Variants in RSF1 observed in about 807,000 individuals in gnomAD.
RSF1 encodes the protein remodeling and spacing factor 1.
RSF1 carries 13 observed loss-of-function variants against 145.2 expected under a neutral mutation model. The observed-to-expected ratio is 0.09, with a 90% confidence interval of 0.06 to 0.14. RSF1 has a LOEUF of 0.14. RSF1 is among the 10% of genes least tolerant of loss of function. RSF1 has a pLI of 1.00. For synonymous variants in RSF1, 577 were observed against 592.6 expected, an observed-to-expected ratio of 0.97 and a Z score of 0.38; for missense variants, 1,517 against 1,718.2, an observed-to-expected ratio of 0.88 and a Z score of 2.07.
intron 8 of RSF1, among the ~76,000 whole-genome samples, chr11:77,691,492 T>C (rs1339071782): frequency 1.3e-5 from 2 of 152,208 alleles, no homozygotes; most frequent in Non-Finnish European, 2.9e-5. Flanking sequence ...CCTATCCTAC[T>C]GGCAATAGTC....
At chr11:77,699,383 C>T (rs533149391) in intron 6 of RSF1, among the ~76,000 whole-genome samples, 2 of 149,220 alleles carry the variant, frequency 1.3e-5, no homozygotes, top group Admixed American at 6.8e-5. Context: ...CACTATAGGT[C>T]GTCAGCAAAG....
At chr11:77,685,083 A>G in intron 10 of RSF1, 22 bp downstream of exon 10, 1 of 1,425,728 alleles carries the variant, frequency 7.0e-7, no homozygotes. Flanking sequence ...CCATTTAAAA[A>G]CATTACAAAT....
At chr11:77,723,571 C>T (rs978028509) in intron 5 of RSF1, among the ~76,000 whole-genome samples, 1 of 152,200 alleles carries the variant, frequency 6.6e-6, no homozygotes, top group African/African-American at 2.4e-5. Context: ...CCACCACAGA[C>T]ATTTGAAATA....
At chr11:77,828,848 C>T in the RSF1 span, among the ~76,000 whole-genome samples, 1 of 152,184 alleles carries the variant, frequency 6.6e-6, no homozygotes. Flanking sequence ...TTCCAGCTGG[C>T]TTCTTTGCAG....
In RSF1 at chr11:77,665,527, T is replaced by C. The variant is rs1187917154; in HGVS notation, c.*1390A>G. On this transcript the variant is annotated 3_prime_UTR_variant, in exon 16 of 16. Coordinates refer to ENST00000308488, the MANE Select transcript of RSF1 (RefSeq NM_016578.4). ...AGTTCATATTTTAGTGTCAATTACA[T>C]GTTAGGTATTTAGTTAGTTACAAAC... 1 of 151,900 alleles carries C rather than the reference T, an allele frequency of 6.6e-6. No homozygotes were observed. The highest frequency in any genetic ancestry group is 1.5e-5 in the Non-Finnish European group (1 of 68,036). 9.4% of individuals were successfully genotyped at this position (151,900 alleles called of 1,614,324 possible). A position where few individuals can be genotyped will look rare whatever the true frequency, so the allele number is the denominator to read the frequency against.
intron 4 of RSF1, chr11:77,734,983 T>C: frequency 2.5e-6 from 4 of 1,596,664 alleles, no homozygotes; most frequent in Non-Finnish European, 3.4e-6. Flanking sequence ...CTCTGAGTCC[T>C]GGTGGTAGTT....
the RSF1 span, among the ~76,000 whole-genome samples, chr11:77,838,220 G>GTTTGTGTGTT: frequency 0.18 from 26,736 of 152,170 alleles, 2,819 homozygotes; most frequent in Non-Finnish European, 0.24. Flanking sequence ...GATGTAGACT[G>GTTTGTGTGTT]TGACTGTTAG....
chr11:77,782,735 G>A (rs567831457), intron 1 of RSF1, among the ~76,000 whole-genome samples: 2 of 152,198 alleles, frequency 1.3e-5, no homozygotes, highest in South Asian at 2.1e-4. Context: ...TGTCTGTAAC[G>A]TTTTATTGGA....
intron 1 of RSF1, among the ~76,000 whole-genome samples, chr11:77,776,926 T>C (rs1948347960): frequency 6.6e-6 from 1 of 152,190 alleles, no homozygotes. Context: ...ATATAGATTA[T>C]TAAACCACTC....
intron 5 of RSF1, among the ~76,000 whole-genome samples, chr11:77,716,562 T>TA (rs1344383526): frequency 2.0e-5 from 3 of 152,190 alleles, no homozygotes; most frequent in Non-Finnish European, 2.9e-5. Flanking sequence ...TGTGGAATCT[T>TA]AGAGTTGAAC....
chr11:77,761,082 G>A (rs1050747005), intron 2 of RSF1, among the ~76,000 whole-genome samples: 18 of 151,914 alleles, frequency 1.2e-4, no homozygotes, highest in African/African-American at 3.6e-4. Context: ...GTAGCTGGGC[G>A]CTTGCCACCA....
At position 77,735,211 on chromosome 11, in the gene RSF1, C is replaced by T. The variant is rs908192823; in HGVS notation, c.578+5520G>A. Among the ~76,000 whole-genome samples the T allele has an allele frequency of 4.6e-5, 7 of 152,090 alleles. No homozygotes were observed. In the East Asian group the frequency reaches 7.7e-4, roughly 17 times the overall value. ...GCACTGTTGAAGCAGGAAACCCCGA[C>T]GACTCTCGGCAAAGAACGTCTCTAT... On this transcript the variant is annotated intron_variant, in intron 4 of 15. Transcript: ENST00000308488.
At chr11:77,694,691 T>G (rs1244195103) in intron 7 of RSF1, among the ~76,000 whole-genome samples, 1 of 152,234 alleles carries the variant, frequency 6.6e-6, no homozygotes, top group Non-Finnish European at 1.5e-5. Context: ...TACTATGAAC[T>G]AAACAACAGG....
intron 1 of RSF1, among the ~76,000 whole-genome samples, chr11:77,799,306 C>G (rs1948604581): frequency 6.6e-6 from 1 of 151,900 alleles, no homozygotes; most frequent in East Asian, 1.9e-4. Flanking sequence ...GCCCAGGAAT[C>G]TGAGACCAGC....
chr11:77,815,538 T>C lies in RSF1; in HGVS notation c.187+4990A>G, dbSNP rs182592628. Reference sequence around the variant, plus strand: ...TAGGCCTGAATTATTCTTTTTCATATTGCATGTGGTCATACATCTCACCAT... The same window carrying C: ...TAGGCCTGAATTATTCTTTTTCATACTGCATGTGGTCATACATCTCACCAT... On this transcript the variant is annotated intron_variant, in intron 1 of 15. Coordinates refer to ENST00000308488, the MANE Select transcript of RSF1 (RefSeq NM_016578.4). Among the ~76,000 whole-genome samples, 436 of 152,314 alleles carry C rather than the reference T, an allele frequency of 2.9e-3. 5 individuals are homozygous for C. The highest frequency in any genetic ancestry group is 0.01 in the African/African-American group (419 of 41,570).
chr11:77,786,206 C>CA (rs1222697091), intron 1 of RSF1, among the ~76,000 whole-genome samples: 1 of 152,006 alleles, frequency 6.6e-6, no homozygotes, highest in African/African-American at 2.4e-5. Flanking sequence ...TACTACGTAC[C>CA]ATCATGCTTC....
chr11:77,859,791 T>G, the RSF1 span, among the ~76,000 whole-genome samples: 1 of 152,348 alleles, frequency 6.6e-6, no homozygotes, highest in South Asian at 2.1e-4. Flanking sequence ...TTTTCTTCAT[T>G]GTCTGGAAGA....
At chr11:77,691,113 T>C in intron 9 of RSF1, 46 bp downstream of exon 9, 2 of 1,535,188 alleles carry the variant, frequency 1.3e-6, no homozygotes, top group Non-Finnish European at 1.8e-6. Flanking sequence ...GAGACAATTC[T>C]GCTCTCATAT....
chr11:77,715,305 T>C (rs1313712458), intron 5 of RSF1, among the ~76,000 whole-genome samples: 2 of 152,204 alleles, frequency 1.3e-5, no homozygotes, highest in Admixed American at 6.5e-5. Flanking sequence ...AAACATGATG[T>C]AAAAGACAGA....
Sources: gnomAD v4.1 joint callset for allele counts (sites outside exome capture counted in the v4.1 genomes callset) on GRCh38, gnomAD v4.1.1 for gene constraint, MANE v1.5 for transcripts, NCBI Gene and HGNC (gene_info 2026-07-23, HGNC 2026-07-21) for gene names.